The following TNFSF4 variants were observed in gnomAD, a reference collection of about 807,000 sequenced individuals.
TNFSF4 encodes tumor necrosis factor ligand superfamily member 4.
TNFSF4 carries 4 observed loss-of-function variants against 7.3 expected under a neutral mutation model. That is an observed-to-expected ratio of 0.55 (90% CI 0.27 to 1.25). TNFSF4 has a LOEUF of 1.25. TNFSF4 is among the 50% of genes most tolerant of loss of function. The pLI, the probability that TNFSF4 is intolerant of heterozygous loss-of-function variation, is 0.12. For synonymous variants in TNFSF4, 76 were observed against 83.7 expected (o/e 0.91, Z 0.50); for missense variants, 181 against 208.8 (o/e 0.87, Z 0.82).
the TNFSF4 span, among the ~76,000 whole-genome samples, chr1:173,277,919 G>A: frequency 6.6e-6 from 1 of 152,092 alleles, no homozygotes; most frequent in East Asian, 1.9e-4. Context: ...GAAATAGCAT[G>A]ACAGGTATAG....
At chr1:173,301,759 C>A in the TNFSF4 span, among the ~76,000 whole-genome samples, 14 of 151,874 alleles carry the variant, frequency 9.2e-5, no homozygotes, top group Middle Eastern at 3.4e-3. Context: ...CCACCTACAA[C>A]TATCTTGTTC....
At chr1:173,340,323 T>TAC in the TNFSF4 span, among the ~76,000 whole-genome samples, 2,985 of 135,830 alleles carry the variant, frequency 0.022, 83 homozygotes, top group African/African-American at 0.064. Context: ...CTAATCTGTT[T>TAC]ACACACACAC....
chr1:173,203,222 G>A (rs1024377280), intron 1 of TNFSF4, among the ~76,000 whole-genome samples: 12 of 152,102 alleles, frequency 7.9e-5, no homozygotes, highest in African/African-American at 2.7e-4. Flanking sequence ...GGTCACGAAT[G>A]GTTCACCTAC....
At chr1:173,363,124 C>T in the TNFSF4 span, 1 of 340,662 alleles carries the variant, frequency 2.9e-6, no homozygotes, top group African/African-American at 2.2e-5. Context: ...CCAACTCTTA[C>T]ATTTTTCTTT....
At chr1:173,430,509 A>T in the TNFSF4 span, among the ~76,000 whole-genome samples, 1,227 of 152,358 alleles carry the variant, frequency 8.1e-3, 18 homozygotes, top group African/African-American at 0.028. Context: ...GGAAAGTATT[A>T]TAGGGCAAAG....
At chr1:173,292,667 A>T in the TNFSF4 span, among the ~76,000 whole-genome samples, 2 of 152,066 alleles carry the variant, frequency 1.3e-5, no homozygotes, top group Non-Finnish European at 2.9e-5. Context: ...AAAAAAAGAA[A>T]TAAAAGGCAT....
chr1:173,206,818 C>A (rs1461694050), intron 1 of TNFSF4, among the ~76,000 whole-genome samples: 2 of 152,192 alleles, frequency 1.3e-5, no homozygotes, highest in Admixed American at 6.5e-5. Flanking sequence ...CCTACCTCCA[C>A]TCTGCCCTAC....
chr1:173,429,369 G>T, the TNFSF4 span, among the ~76,000 whole-genome samples: 2 of 152,134 alleles, frequency 1.3e-5, no homozygotes, highest in African/African-American at 2.4e-5. Context: ...GACCCAAACA[G>T]AAAAGAAAAA....
chr1:173,190,921 A>C (rs912507996), intron 1 of TNFSF4, among the ~76,000 whole-genome samples: 1 of 152,198 alleles, frequency 6.6e-6, no homozygotes, highest in East Asian at 1.9e-4. Flanking sequence ...AGTCACTAGA[A>C]GATCAGGGGC....
the TNFSF4 span, among the ~76,000 whole-genome samples, chr1:173,359,510 T>TAAAAAAAAA: frequency 4.9e-5 from 6 of 122,738 alleles, no homozygotes; most frequent in South Asian, 2.6e-4. Flanking sequence ...TTACCAGCTG[T>TAAAAAAAAA]AAAAAAAAAA....
At chr1:173,255,610 T>C in the TNFSF4 span, among the ~76,000 whole-genome samples, 1 of 152,128 alleles carries the variant, frequency 6.6e-6, no homozygotes, top group Admixed American at 6.5e-5. Flanking sequence ...TGCATGTGGG[T>C]TTTTGTTTGT....
chr1:173,334,886 C>T, the TNFSF4 span, among the ~76,000 whole-genome samples: 3 of 152,070 alleles, frequency 2.0e-5, no homozygotes, highest in Non-Finnish European at 4.4e-5. Context: ...TCCCAGCAGG[C>T]CCCTAAAGGT....
the TNFSF4 span, among the ~76,000 whole-genome samples, chr1:173,266,198 T>C: frequency 6.6e-6 from 1 of 152,270 alleles, no homozygotes; most frequent in East Asian, 1.9e-4. Flanking sequence ...TGAGTATGTA[T>C]TTGAAGGCTG....
chr1:173,320,752 A>G, the TNFSF4 span, among the ~76,000 whole-genome samples: 1 of 152,170 alleles, frequency 6.6e-6, no homozygotes, highest in Non-Finnish European at 1.5e-5. Context: ...AATAAAATAC[A>G]CAGGAATACA....
chr1:173,197,199 A>G (rs1240129332), intron 1 of TNFSF4, among the ~76,000 whole-genome samples: 3 of 152,228 alleles, frequency 2.0e-5, no homozygotes, highest in African/African-American at 7.2e-5. Flanking sequence ...GGTTGGAGAG[A>G]AAAAGGAACA....
chr1:173,388,460 AC>A, the TNFSF4 span, among the ~76,000 whole-genome samples: 7 of 152,142 alleles, frequency 4.6e-5, no homozygotes, highest in Non-Finnish European at 1.0e-4. Flanking sequence ...GGTTCCCAAG[AC>A]CCTTTCCATG....
the TNFSF4 span, among the ~76,000 whole-genome samples, chr1:173,395,037 TGATAGATA>T: frequency 0.1 from 9,470 of 93,520 alleles, 563 homozygotes; most frequent in Middle Eastern, 0.14. Flanking sequence ...GATAGATAGA[TGATAGATA>T]GATAGATAGA....
chr1:173,415,689 G>A, the TNFSF4 span, among the ~76,000 whole-genome samples: 3 of 152,186 alleles, frequency 2.0e-5, no homozygotes, highest in East Asian at 1.9e-4. Flanking sequence ...GCCTTTCCAT[G>A]CATGAAATGA....
At chr1:173,279,780 T>C in the TNFSF4 span, among the ~76,000 whole-genome samples, 3 of 152,138 alleles carry the variant, frequency 2.0e-5, no homozygotes, top group Non-Finnish European at 2.9e-5. Context: ...CCAGTGCTAC[T>C]ACCTTTTTTC....
Sources: allele counts gnomAD v4.1 joint callset (sites outside exome capture counted in the v4.1 genomes callset), GRCh38; gene constraint gnomAD v4.1.1; transcripts MANE v1.5; gene names NCBI Gene and HGNC (gene_info 2026-07-23, HGNC 2026-07-21).